HK1: variants seen among roughly 807,000 people sequenced by gnomAD.
HK1 encodes the protein hexokinase-1.
A neutral mutation model predicts 91.6 loss-of-function variants in HK1; 28 were observed. The ratio of observed to expected loss-of-function variants is 0.31; its 90% CI spans 0.23 to 0.42. HK1 has a LOEUF of 0.42. HK1 is among the 10% of genes least tolerant of loss of function. The pLI, the probability that HK1 is intolerant of heterozygous loss-of-function variation, is 1.00. For missense variants in HK1, 770 were observed against 1,219.8 expected, an observed-to-expected ratio of 0.63 and a Z score of 5.49; for synonymous variants, 430 against 468.1, an observed-to-expected ratio of 0.92 and a Z score of 1.05.
chr10:69,281,038 G>A (rs765570826), intron 1 of HK1, among the ~76,000 whole-genome samples: 11 of 152,136 alleles, frequency 7.2e-5, no homozygotes, highest in African/African-American at 9.7e-5. Flanking sequence ...TCAAAATATC[G>A]TTTATGACTT....
At chr10:69,316,166 G>A (rs74138358), upstream of HK1, 5 of 768,792 alleles carry the variant, frequency 6.5e-6, no homozygotes, top group Non-Finnish European at 9.4e-6. Flanking sequence ...AGAGGATGGT[G>A]GGAAGTGGCC....
chr10:69,367,445 C>T (rs1849766849), intron 4 of HK1, among the ~76,000 whole-genome samples: 1 of 152,214 alleles, frequency 6.6e-6, no homozygotes, highest in South Asian at 2.1e-4. Flanking sequence ...GGGACCAGGT[C>T]TCCAGATTGC....
intron 5 of HK1, among the ~76,000 whole-genome samples, chr10:69,306,652 C>T (rs181859489): frequency 6.6e-5 from 10 of 152,302 alleles, no homozygotes; most frequent in African/African-American, 1.4e-4. Flanking sequence ...ATGCGTTTGG[C>T]GCAGGTGAAG....
chr10:69,338,758 A>T, intron 1 of HK1: 17 of 1,152,232 alleles, frequency 1.5e-5, no homozygotes, highest in Non-Finnish European at 1.9e-5. Context: ...TGTGTGTGTG[A>T]GAGATTGTGT....
At chr10:69,314,898 C>T (rs1564504465), upstream of HK1, among the ~76,000 whole-genome samples, 1 of 152,090 alleles carries the variant, frequency 6.6e-6, no homozygotes, top group Non-Finnish European at 1.5e-5. Context: ...GAACTCCTGA[C>T]CACGTGATCC....
chr10:69,356,807 C>G lies in HK1; in HGVS notation c.227-3090C>G, dbSNP rs556907187. ...CTGAGGCAGGAGAATTGCTTGAACC[C>G]GGGAAGCAGAGGTTGCAGTGAGTCG... On this transcript the variant is annotated intron_variant, in intron 2 of 17. Transcript: ENST00000359426. Among the ~76,000 whole-genome samples, 3 of 142,766 alleles carry G rather than the reference C, an allele frequency of 2.1e-5. No homozygotes were observed. The South Asian group carries it at 6.8e-4, about 32-fold the overall frequency. The allele number at this position is 142,766 out of a possible 152,430, so 93.7% of individuals were successfully genotyped here. A position where few individuals can be genotyped will look rare whatever the true frequency, so the allele number is the denominator to read the frequency against.
chr10:69,285,882 G>A (rs918951379), intron 2 of HK1, among the ~76,000 whole-genome samples: 1 of 152,204 alleles, frequency 6.6e-6, no homozygotes, highest in Non-Finnish European at 1.5e-5. Flanking sequence ...AATGCCCTGG[G>A]CCAGTCCCAA....
chr10:69,310,375 C>T (rs142177204), intron 5 of HK1, among the ~76,000 whole-genome samples: 100 of 143,574 alleles, frequency 7.0e-4, no homozygotes, highest in African/African-American at 1.7e-3. Flanking sequence ...GAGCCGAGAT[C>T]GTGCCACTGA....
intron 2 of HK1, among the ~76,000 whole-genome samples, chr10:69,286,997 T>G (rs1252039267): frequency 6.6e-6 from 1 of 152,112 alleles, no homozygotes; most frequent in African/African-American, 2.4e-5. Context: ...ATCAGTAAAA[T>G]ATTTTTGTAG....
In HK1 at chr10:69,379,914, G is replaced by C. The variant is rs1309861064; in HGVS notation, c.1084G>C (p.Glu362Gln). 5 of 1,614,208 alleles carry C rather than the reference G, an allele frequency of 3.1e-6. No individual in the cohort carries two copies. The highest frequency in any genetic ancestry group is 1.3e-5 in the African/African-American group (1 of 75,052). Reference protein sequence around the residue: ...AKEILTRLGVEPSDDDCVSVQ... With the variant: ...AKEILTRLGVQPSDDDCVSVQ... ...AGAAATCCTGACCCGCCTGGGAGTG[G>C]AGCCGTCCGATGATGACTGTGTCTC... is the stretch of plus-strand genomic sequence containing the variant. The change falls in exon 9 of 18, where the codon GAG becomes CAG. Residue 362 changes from glutamate to glutamine, a missense_variant. Transcript: ENST00000359426.
intron 1 of HK1, among the ~76,000 whole-genome samples, chr10:69,270,493 G>T (rs549663015): frequency 1.3e-5 from 2 of 152,072 alleles, no homozygotes; most frequent in African/African-American, 4.8e-5. Context: ...TGAAGCAGGA[G>T]AATTGCTTGA....
At chr10:69,346,698 A>G (rs16926253) in intron 2 of HK1, among the ~76,000 whole-genome samples, 4,873 of 151,826 alleles carry the variant, frequency 0.032, 130 homozygotes, top group African/African-American at 0.063. Flanking sequence ...TTGTTCTTCA[A>G]TAATCTGTAT....
intron 5 of HK1, among the ~76,000 whole-genome samples, chr10:69,304,456 C>T (rs1477248350): frequency 2.0e-5 from 3 of 151,972 alleles, no homozygotes; most frequent in Non-Finnish European, 4.4e-5. Context: ...TACTGGCGCC[C>T]GCCACCACAC....
intron 1 of HK1, among the ~76,000 whole-genome samples, chr10:69,337,408 G>A (rs570811783): frequency 8.3e-4 from 126 of 152,166 alleles, no homozygotes; most frequent in Non-Finnish European, 1.6e-3. Context: ...AAGGGAACTA[G>A]CATTAAAGCA....
intron 17 of HK1, among the ~76,000 whole-genome samples, 175 bp from the exon 18 acceptor site, chr10:69,400,816 G>A (rs969478520): frequency 5.9e-5 from 9 of 152,162 alleles, no homozygotes; most frequent in Non-Finnish European, 7.4e-5. Flanking sequence ...CTTGTTGTTG[G>A]GTTCAGAGTC....
At chr10:69,276,222 CTT>C (rs1844467444) in intron 1 of HK1, among the ~76,000 whole-genome samples, 3 of 139,820 alleles carry the variant, frequency 2.1e-5, no homozygotes, top group East Asian at 2.1e-4. Context: ...TCTTTTATAA[CTT>C]TGTTGATTTT....
intron 3 of HK1, 28 bp from the exon 4 acceptor site, chr10:69,364,755 C>T (rs1471647078): frequency 1.9e-6 from 3 of 1,614,016 alleles, no homozygotes; most frequent in East Asian, 4.5e-5. Context: ...GCTTTGGGGC[C>T]CCCTGACTGC....
chr10:69,380,164 G>C lies in HK1; in HGVS notation c.1265+69G>C. 1.5e-6 allele frequency: 2 copies of C among 1,296,554 alleles called. No individual in the cohort carries two copies. The highest frequency in any genetic ancestry group is 1.2e-5 in the South Asian group (1 of 83,484). The allele number at this position is 1,296,554 out of a possible 1,614,324, so 80.3% of individuals were successfully genotyped here. On this transcript the variant is annotated intron_variant, in intron 9 of 17. Transcript: ENST00000359426. This position sits in a 1 kb window ranked among gnomAD's most constrained non-coding sequence, Gnocchi z 4.0. The stretch of plus-strand genomic sequence containing the variant: ...GGGTAGGGACCTTCTCCAGAGATCA[G>C]ACTTTTGTACCCGGTAAACGTTTTT...
intron 3 of HK1, among the ~76,000 whole-genome samples, chr10:69,294,033 T>C (rs10762279): frequency 6.7e-6 from 1 of 150,034 alleles, no homozygotes; most frequent in Non-Finnish European, 1.5e-5. Context: ...GGCTGATTTT[T>C]TGTATTTTTA....
Sources: gnomAD v4.1 joint callset for allele counts (sites outside exome capture counted in the v4.1 genomes callset) on GRCh38, gnomAD v4.1.1 for gene constraint, Gnocchi (gnomAD v3.1) non-coding constraint, MANE v1.5 for transcripts, NCBI Gene and HGNC (gene_info 2026-07-23, HGNC 2026-07-21) for gene names.